PDZD7: variants seen among roughly 807,000 people sequenced by gnomAD.
PDZD7 encodes PDZ domain-containing protein 7.
A neutral mutation model predicts 84.7 loss-of-function variants in PDZD7; 72 were observed. That is an observed-to-expected ratio of 0.85 (90% CI 0.70 to 1.03). The LOEUF (loss-of-function observed/expected upper bound fraction) is 1.03, where lower values mean the gene tolerates loss of function less well. Ranked by LOEUF, PDZD7 falls within the 50% of genes least tolerant of loss-of-function variation. The probability of loss-of-function intolerance (pLI) is 0.00; values close to 1 mark genes in which losing one functional copy is unlikely to be tolerated. For synonymous variants in PDZD7, 594 were observed against 580.7 expected, an observed-to-expected ratio of 1.02 and a Z score of -0.33; for missense variants, 1,490 against 1,412.9, an observed-to-expected ratio of 1.05 and a Z score of -0.87.
At chr10:101,028,602 TAA>T (rs71975380) in intron 2 of PDZD7, among the ~76,000 whole-genome samples, 627 of 134,720 alleles carry the variant, frequency 4.7e-3, no homozygotes, top group Non-Finnish European at 6.9e-3. Context: ...CTTTCCCTCT[TAA>T]AAAAAAAAAA....
intron 7 of PDZD7, 111 bp from the exon 8 acceptor site, chr10:101,019,328 G>C (rs1852920226): frequency 2.2e-6 from 3 of 1,380,024 alleles, no homozygotes; most frequent in African/African-American, 1.4e-5. Flanking sequence ...GCAGCAGCCA[G>C]GGTTAGAACC....
Position 101,015,804 on chromosome 10 carries a change from C to T in PDZD7, c.1581G>A (p.Glu527=), listed in dbSNP as rs2134022945. Residue 527 remains glutamate, a synonymous_variant, in exon 11 of 17, where the codon GAG becomes GAA. Coordinates refer to ENST00000619208, the MANE Select transcript of PDZD7 (RefSeq NM_001195263.2). ...FVTWRLRRDQ[E]RGRALLSARS... ...TGGCAGACAGCAGGGCCCGGCCCCT[C>T]TCCTGGTCTGCAGGGCAGGAACCAT... The T allele has an allele frequency of 1.9e-6, 3 of 1,548,214 alleles. No homozygotes were observed. The highest frequency in any genetic ancestry group is 1.7e-6 in the Non-Finnish European group (2 of 1,146,208).
At chr10:101,023,763 G>T in intron 3 of PDZD7, 153 bp from the exon 4 acceptor site, 1 of 1,425,598 alleles carries the variant, frequency 7.0e-7, no homozygotes, top group Non-Finnish European at 9.7e-7. Context: ...CTAGGGATCT[G>T]TCCCTTAAAC....
In PDZD7 at chr10:101,012,211, G is replaced by A; in HGVS notation, c.1797C>T (p.Ala599=). The A allele has an allele frequency of 6.4e-7, 1 of 1,550,410 alleles. No homozygotes were observed. The highest frequency in any genetic ancestry group is 2.4e-5 in the East Asian group (1 of 40,920). The change falls in exon 12 of 17, where the codon GCC becomes GCT. Residue 599 remains alanine (A), a synonymous_variant. Coordinates refer to ENST00000619208, the MANE Select transcript of PDZD7 (RefSeq NM_001195263.2). ...GIEDLVRPLL[A]ILDRPEKLLL... ...GCAGCTTCTCCGGCCTGTCGAGGATGGCCAGCAGGGGCCTCACCAGGTCCT... is the reference window on the plus strand; with the variant it reads ...GCAGCTTCTCCGGCCTGTCGAGGATAGCCAGCAGGGGCCTCACCAGGTCCT...
rs758884514 is a variant in PDZD7 at position 101,024,008 on chromosome 10, C to A, written c.287G>T (p.Arg96Met). The A allele has an allele frequency of 6.2e-7, 1 of 1,614,270 alleles. No homozygotes were observed. The change falls in exon 3 of 17, where the codon AGG becomes ATG. Residue 96 changes from arginine to methionine, a missense_variant. Physicochemically the swap from Arg to Met is moderately conservative, Grantham distance 91. Coordinates refer to ENST00000619208, the MANE Select transcript of PDZD7 (RefSeq NM_001195263.2). The part of the protein sequence containing the change: ...SVRVEKSPAG[R>M]LGFSVRGGSE... Reference sequence around the variant, plus strand: ...GCCCCCGCGCACGCTGAAGCCCAGCCTCCCTGCTGGACTCTTCTCCACCCG... The same window carrying A: ...GCCCCCGCGCACGCTGAAGCCCAGCATCCCTGCTGGACTCTTCTCCACCCG...
chr10:101,011,377 A>G, intron 14 of PDZD7: 3 of 561,928 alleles, frequency 5.3e-6, no homozygotes, highest in Non-Finnish European at 8.0e-6. Flanking sequence ...TGGAATCGTT[A>G]CCGTTCTATT....
intron 11 of PDZD7, among the ~76,000 whole-genome samples, chr10:101,014,284 C>G (rs1852509032): frequency 6.6e-6 from 1 of 152,082 alleles, no homozygotes; most frequent in Admixed American, 6.5e-5. Context: ...ACTCATCACT[C>G]CAGCCAGGGC....
intron 2 of PDZD7, 81 bp from the exon 3 acceptor site, chr10:101,024,149 C>A: frequency 6.2e-7 from 1 of 1,605,826 alleles, no homozygotes; most frequent in Non-Finnish European, 8.5e-7. Flanking sequence ...TTGGGGCCTG[C>A]AAAGGCTAGG....
intron 11 of PDZD7, 48 bp downstream of exon 11, chr10:101,015,588 G>A (rs764008523): frequency 6.7e-7 from 1 of 1,494,042 alleles, no homozygotes; most frequent in South Asian, 1.2e-5. Flanking sequence ...GATGGGCTGG[G>A]TGACTGAAGG....
rs1245098852 is a variant in PDZD7 at position 101,008,838 on chromosome 10, G to A, written c.2731C>T (p.Leu911Phe). ...AGATTCTCTCCGTCCACTGCCACAAGCTCGAAGCCAGCCTAGGGTGGGGTG... is the reference window on the plus strand; with the variant it reads ...AGATTCTCTCCGTCCACTGCCACAAACTCGAAGCCAGCCTAGGGTGGGGTG... ...LSGALQAGFE[L>F]VAVDGENLEQ... Residue 911 changes from leucine to phenylalanine, a missense_variant, in exon 17 of 17, where the codon CTT becomes TTT. By Grantham distance (22) the Leu-to-Phe change is conservative. Coordinates refer to ENST00000619208, the MANE Select transcript of PDZD7 (RefSeq NM_001195263.2). The A allele has an allele frequency of 6.7e-7, 1 of 1,500,862 alleles. No individual in the cohort carries two copies. The highest frequency in any genetic ancestry group is 1.3e-5 in the South Asian group (1 of 79,006). 93.0% of individuals were successfully genotyped at this position (1,500,862 alleles called of 1,614,324 possible).
intron 7 of PDZD7, among the ~76,000 whole-genome samples, chr10:101,019,448 G>A (rs1210282070): frequency 2.0e-5 from 3 of 152,052 alleles, no homozygotes; most frequent in Non-Finnish European, 4.4e-5. Context: ...CATTTTATCC[G>A]CAGATTCTCA....
At chr10:101,027,938 A>C (rs1362067466) in intron 2 of PDZD7, among the ~76,000 whole-genome samples, 1 of 152,208 alleles carries the variant, frequency 6.6e-6, no homozygotes, top group Non-Finnish European at 1.5e-5. Flanking sequence ...GATTAAAGGT[A>C]ATGCATTTTC....
chr10:101,025,608 T>C (rs1037901477), intron 2 of PDZD7, among the ~76,000 whole-genome samples: 7 of 150,652 alleles, frequency 4.6e-5, no homozygotes, highest in African/African-American at 1.2e-4. Flanking sequence ...ACTGCAGTGG[T>C]GCGATCTCAG....
In PDZD7 at chr10:101,018,102, T is replaced by C; in HGVS notation, c.1519A>G (p.Lys507Glu). The C allele has an allele frequency of 6.2e-7, 1 of 1,614,140 alleles. No individual in the cohort carries two copies. The highest frequency in any genetic ancestry group is 8.5e-7 in the Non-Finnish European group (1 of 1,180,010). The change falls in exon 9 of 17, where the codon AAA becomes GAA. Residue 507 changes from lysine to glutamate, a missense_variant. Transcript: ENST00000619208. ...GTTTGATCAGCCCACTACTTACCTT[T>C]CTCTATGTCCAGGCGAGGGTAAGTT... Reference protein sequence around the residue: ...AKTYPRLDIEKAGGVGPVQKF... With the variant: ...AKTYPRLDIEEAGGVGPVQKF...
At chr10:101,018,508 C>T (rs1852844735) in intron 8 of PDZD7, among the ~76,000 whole-genome samples, 1 of 152,164 alleles carries the variant, frequency 6.6e-6, no homozygotes, top group Non-Finnish European at 1.5e-5. Flanking sequence ...CCCTTGAGGC[C>T]CAGTTAGAGA....
intron 9 of PDZD7, chr10:101,017,887 GA>G (rs1193034043): frequency 2.9e-4 from 59 of 202,056 alleles, no homozygotes; most frequent in African/African-American, 2.3e-3. Flanking sequence ...AAGAAAGAAA[GA>G]AAGAAAAGAA....
At chr10:101,018,343 G>A (rs1564633418) in intron 8 of PDZD7, 47 bp from the exon 9 acceptor site, 11 of 1,606,092 alleles carry the variant, frequency 6.8e-6, no homozygotes, top group Non-Finnish European at 9.4e-6. Flanking sequence ...GTGGGCAGAA[G>A]GGAAGGACGA....
Position 101,010,552 on chromosome 10 carries a change from G to GCGGCTGCGGCTA in PDZD7, c.2336_2337insTAGCCGCAGCCG (p.Arg781_Ser784dup), listed in dbSNP as rs1554833282. On this transcript the variant is annotated inframe_insertion, in exon 15 of 17. Coordinates refer to ENST00000619208, the MANE Select transcript of PDZD7 (RefSeq NM_001195263.2). ...GACCCCGGCTGCTGCGGCTGCGGCT[G>GCGGCTGCGGCTA]CGGCTACGGCTGCGGCTACGGCTCT... 5.2e-6 allele frequency: 8 copies of GCGGCTGCGGCTA among 1,524,870 alleles called. No homozygotes were observed. Among genetic ancestry groups the GCGGCTGCGGCTA allele is most frequent in the Non-Finnish European group, 6.1e-6 (7 of 1,138,490 alleles). The allele number at this position is 1,524,870 out of a possible 1,614,324, so 94.5% of individuals were successfully genotyped here. A position where few individuals can be genotyped will look rare whatever the true frequency, so the allele number is the denominator to read the frequency against.
chr10:101,024,655 C>T (rs968876358), intron 2 of PDZD7, among the ~76,000 whole-genome samples: 1 of 151,522 alleles, frequency 6.6e-6, no homozygotes, highest in Non-Finnish European at 1.5e-5. Flanking sequence ...GTGGTGTATG[C>T]CTGTGGTCCC....
Sources: allele counts gnomAD v4.1 joint callset (sites outside exome capture counted in the v4.1 genomes callset), GRCh38; gene constraint gnomAD v4.1.1; transcripts MANE v1.5; gene names NCBI Gene and HGNC (gene_info 2026-07-23, HGNC 2026-07-21).